The following PDZD7 variants were observed in gnomAD, a reference collection of about 807,000 sequenced individuals.
PDZD7 encodes the protein PDZ domain-containing protein 7.
In PDZD7, 72 loss-of-function variants were observed where a neutral mutation model predicts 84.7. The observed-to-expected ratio is 0.85, with a 90% CI of 0.70 to 1.03. The LOEUF is 1.03. PDZD7 is among the 50% of genes least tolerant of loss of function. The probability of loss-of-function intolerance (pLI) is 0.00; values close to 1 mark genes in which losing one functional copy is unlikely to be tolerated. For synonymous variants in PDZD7, 594 were observed against 580.7 expected, an observed-to-expected ratio of 1.02 and a Z score of -0.33; for missense variants, 1,490 against 1,412.9, an observed-to-expected ratio of 1.05 and a Z score of -0.87.
At chr10:101,011,503 A>C in intron 14 of PDZD7, 187 bp downstream of exon 14, 1 of 1,417,692 alleles carries the variant, frequency 7.1e-7, no homozygotes, top group Non-Finnish European at 9.2e-7. Flanking sequence ...CTATTAAGTA[A>C]TAGTACAGGT....
rs771916337 is a variant in PDZD7, at chr10:101,029,982, T to G, written c.226+12A>C. The stretch of plus-strand genomic sequence containing the variant: ...TCCCCAACCCAGGCCAGTGGCTGGG[T>G]CCCGCCCCTACCTTCGATGGGGGAG... On this transcript the variant is annotated intron_variant, in intron 2 of 16. Coordinates refer to ENST00000619208, the MANE Select transcript of PDZD7 (RefSeq NM_001195263.2). The G allele has an allele frequency of 1.2e-4, 160 of 1,300,478 alleles. No homozygotes were observed. The highest frequency in any genetic ancestry group is 2.9e-4 in the Middle Eastern group (1 of 3,432). The allele number at this position is 1,300,478 out of a possible 1,614,324, so 80.6% of individuals were successfully genotyped here.
chr10:101,027,700 A>G (rs1937802563), intron 2 of PDZD7, among the ~76,000 whole-genome samples: 1 of 151,774 alleles, frequency 6.6e-6, no homozygotes, highest in African/African-American at 2.4e-5. Context: ...GACTCTTCCC[A>G]TCCTTTGTCG....
Position 101,008,617 on chromosome 10 carries a change from T to TGG in PDZD7, c.2950_2951dup (p.Val985GlnfsTer61). ...GTTCTGGGAGCCAGTGGGCAGGAAC[T>TGG]GGAGCAGCATCAAGGGGTTGGTGGG... is the stretch of plus-strand genomic sequence containing the variant. On this transcript the variant is annotated frameshift_variant, in exon 17 of 17. Coordinates refer to ENST00000619208, the MANE Select transcript of PDZD7 (RefSeq NM_001195263.2). LOFTEE classifies it low-confidence loss of function (END_TRUNC). 1 of 1,535,968 alleles carries TGG rather than the reference T, an allele frequency of 6.5e-7. No homozygotes were observed. Among genetic ancestry groups the TGG allele is most frequent in the Non-Finnish European group, 8.7e-7 (1 of 1,146,860 alleles).
At chr10:101,009,792 A>G (rs543719796) in intron 15 of PDZD7, among the ~76,000 whole-genome samples, 36 of 151,930 alleles carry the variant, frequency 2.4e-4, no homozygotes, top group African/African-American at 8.2e-4. Context: ...TTTTTAGTAG[A>G]GACAGGGTTT....
intron 7 of PDZD7, 42 bp downstream of exon 7, chr10:101,020,576 T>A: frequency 1.3e-6 from 2 of 1,555,690 alleles, no homozygotes; most frequent in Middle Eastern, 1.7e-4. Context: ...CCCTAAGGCC[T>A]CAGCCCTTTC....
chr10:101,018,074 C>T, intron 9 of PDZD7, 25 bp downstream of exon 9: 2 of 1,614,092 alleles, frequency 1.2e-6, no homozygotes, highest in Non-Finnish European at 1.7e-6. Flanking sequence ...ACTTTGCCTT[C>T]CTGTTTGATC....
chr10:101,019,343 T>C, intron 7 of PDZD7, 126 bp from the exon 8 acceptor site: 1 of 1,216,952 alleles, frequency 8.2e-7, no homozygotes, highest in Non-Finnish European at 1.1e-6. Flanking sequence ...AGAACCGCAG[T>C]GGTGAGGAAC....
intron 2 of PDZD7, 39 bp downstream of exon 2, chr10:101,029,955 C>A: frequency 7.7e-7 from 1 of 1,303,656 alleles, no homozygotes; most frequent in Non-Finnish European, 1.1e-6. Flanking sequence ...CTACCCCCAC[C>A]CTCCCCAACC....
At chr10:101,011,035 G>A in intron 14 of PDZD7, 152 bp from the exon 15 acceptor site, 3 of 1,440,946 alleles carry the variant, frequency 2.1e-6, no homozygotes, top group Non-Finnish European at 2.7e-6. Flanking sequence ...AGACAGACAT[G>A]TTCTATTAGA....
intron 14 of PDZD7, chr10:101,011,360 T>C (rs1176388151): frequency 2.0e-6 from 1 of 510,864 alleles, no homozygotes; most frequent in South Asian, 3.2e-5. Context: ...ATTTTAATGC[T>C]TCCTGCTGGA....
chr10:101,023,990 C>T lies in PDZD7; in HGVS notation c.305G>A (p.Arg102His), dbSNP rs760825921. ...SPAGRLGFSV[R>H]GGSEHGLGIF... is the part of the protein sequence containing the mutation. ...GCCCAGGCCATGCTCTGAGCCCCCG[C>T]GCACGCTGAAGCCCAGCCTCCCTGC... is the stretch of plus-strand genomic sequence containing the variant. Residue 102 changes from arginine to histidine, a missense_variant, in exon 3 of 17, where the codon CGC becomes CAC. Physicochemically the swap from Arg to His is conservative, Grantham distance 29. Transcript: ENST00000619208. 1.6e-5 allele frequency: 26 copies of T among 1,614,270 alleles called. No homozygotes were observed. The highest frequency in any genetic ancestry group is 1.1e-4 in the East Asian group (5 of 44,894).
rs1208693784 is a variant in PDZD7, at chr10:101,008,571, G to A, written c.2998C>T (p.Pro1000Ser). Residue 1000 changes from proline (P) to serine (S), a missense_variant, in exon 17 of 17, where the codon CCT (proline) becomes TCT (serine). Transcript: ENST00000619208. ...LPEPPTNPQTPPTDARLLQPT... is the reference protein window; with the variant it reads ...LPEPPTNPQTSPTDARLLQPT... ...TGGAGGAGCCTGGCATCAGTGGGAGGAGTCTGGGGATTGGTGGGAGGTTCT... is the reference window on the plus strand; with the variant it reads ...TGGAGGAGCCTGGCATCAGTGGGAGAAGTCTGGGGATTGGTGGGAGGTTCT... 1.3e-6 allele frequency: 2 copies of A among 1,536,040 alleles called. No homozygotes were observed. Among genetic ancestry groups the A allele is most frequent in the Non-Finnish European group, 1.7e-6 (2 of 1,146,860 alleles).
At chr10:101,027,049 T>C (rs1937754186) in intron 2 of PDZD7, among the ~76,000 whole-genome samples, 1 of 152,054 alleles carries the variant, frequency 6.6e-6, no homozygotes, top group Non-Finnish European at 1.5e-5. Flanking sequence ...CCCCAGGTGC[T>C]CCACTGCAGC....
At chr10:101,020,252 C>G (rs1853006842) in intron 7 of PDZD7, among the ~76,000 whole-genome samples, 1 of 152,106 alleles carries the variant, frequency 6.6e-6, no homozygotes, top group Non-Finnish European at 1.5e-5. Context: ...GGATTACAGG[C>G]ATGGGCCACC....
In PDZD7 at chr10:101,013,187, A is replaced by C. The variant is rs542886033; in HGVS notation, c.1750-929T>G. ...CAGTTACAGCGACTCACACATACACATATCAATAATACATTCCCTTTTGTC... is the reference window on the plus strand; with the variant it reads ...CAGTTACAGCGACTCACACATACACCTATCAATAATACATTCCCTTTTGTC... On this transcript the variant is annotated intron_variant, in intron 11 of 16. Transcript: ENST00000619208. Among the ~76,000 whole-genome samples the C allele has an allele frequency of 2.6e-5, 4 of 152,354 alleles. No individual in the cohort carries two copies. In the South Asian group the frequency reaches 6.2e-4, roughly 24 times the overall value.
intron 11 of PDZD7, among the ~76,000 whole-genome samples, chr10:101,012,842 T>C (rs1161316989): frequency 6.6e-6 from 1 of 152,210 alleles, no homozygotes; most frequent in African/African-American, 2.4e-5. Context: ...GGGGCTAGAA[T>C]AGGAGCCTTG....
At position 101,020,692 on chromosome 10, in the gene PDZD7, G is replaced by A. The variant is rs2065886539; in HGVS notation, c.868-14C>T. ...CCGGCCGGTCTCCTGGGGAGGGGAT[G>A]GTGGGCATAGGAGGGAAGGGGGAGC... On this transcript the variant is annotated splice_polypyrimidine_tract_variant and intron_variant, in intron 6 of 16. Transcript: ENST00000619208. The A allele has an allele frequency of 6.2e-7, 1 of 1,608,788 alleles. No homozygotes were observed. The highest frequency in any genetic ancestry group is 8.5e-7 in the Non-Finnish European group (1 of 1,175,326).
At chr10:101,017,863 GAAAGAAAGAAAGAAAGAAAGAAAGAAAGA>G (rs1564632358) in intron 9 of PDZD7, 47 of 397,738 alleles carry the variant, frequency 1.2e-4, no homozygotes, top group Admixed American at 3.1e-4. Context: ...AAGAAAGAAA[GAAAGAAAGAAAGAAAGAAAGAAAGAAAGA>G]AAAGAAAGAA....
At chr10:101,017,470 T>C in intron 9 of PDZD7, 1 of 579,884 alleles carries the variant, frequency 1.7e-6, no homozygotes, top group Non-Finnish European at 3.1e-6. Flanking sequence ...CAAGTGATCT[T>C]GCTGCTTCAG....
Sources: allele counts gnomAD v4.1 joint callset (sites outside exome capture counted in the v4.1 genomes callset), GRCh38; gene constraint gnomAD v4.1.1; transcripts MANE v1.5; gene names NCBI Gene and HGNC (gene_info 2026-07-23, HGNC 2026-07-21).